Variants in CLYBL observed in about 807,000 individuals in gnomAD.
The protein encoded by CLYBL is citramalyl-CoA lyase, also known as citramalyl-CoA lyase, mitochondrial.
Under a neutral mutation model 38.9 loss-of-function variants are expected in CLYBL, and 31 were observed. The ratio of observed to expected loss-of-function variants is 0.80; its 90% CI spans 0.60 to 1.08. The LOEUF is 1.08. CLYBL is among the 50% of genes least tolerant of loss of function. The pLI, the probability that CLYBL is intolerant of heterozygous loss-of-function variation, is 0.00. For synonymous variants in CLYBL, 171 were observed against 158.6 expected (o/e 1.08, Z -0.59); for missense variants, 434 against 411.6 (o/e 1.05, Z -0.47).
intron 2 of CLYBL, among the ~76,000 whole-genome samples, chr13:99,827,225 A>G (rs973358847): frequency 3.9e-5 from 6 of 151,982 alleles, no homozygotes; most frequent in East Asian, 1.9e-4. Context: ...AGCCTTTTCA[A>G]TTGTCCGTGA....
At chr13:99,907,456 A>C (rs935499066) in intron 9 of CLYBL, among the ~76,000 whole-genome samples, 1 of 152,180 alleles carries the variant, frequency 6.6e-6, no homozygotes, top group African/African-American at 2.4e-5. Context: ...GAAAAAAAAA[A>C]CAATAAAATG....
At chr13:99,790,312 T>G (rs2049889403) in intron 2 of CLYBL, among the ~76,000 whole-genome samples, 3 of 152,218 alleles carry the variant, frequency 2.0e-5, no homozygotes, top group African/African-American at 7.2e-5. Context: ...TTACAATTTG[T>G]CATGTTTTTG....
At chr13:99,659,770 C>T (rs1255615214) in intron 1 of CLYBL, among the ~76,000 whole-genome samples, 1 of 152,044 alleles carries the variant, frequency 6.6e-6, no homozygotes, top group Non-Finnish European at 1.5e-5. Flanking sequence ...TAATAGTCAC[C>T]AGAAGCCAAT....
At chr13:99,757,649 G>C (rs1360164233) in intron 1 of CLYBL, among the ~76,000 whole-genome samples, 1 of 152,136 alleles carries the variant, frequency 6.6e-6, no homozygotes, top group Non-Finnish European at 1.5e-5. Context: ...AGTAGAGTCA[G>C]GGTTTCACCA....
rs578055809 is a variant in CLYBL, at chr13:99,671,183, A to G, written c.62+64426A>G. On this transcript the variant is annotated intron_variant, in intron 1 of 8. Coordinates refer to ENST00000339105, the MANE Select transcript of CLYBL (RefSeq NM_206808.5). The stretch of plus-strand genomic sequence containing the variant: ...TTGAGGCCCTAAAGCCTTCCCTACC[A>G]TCCTATTTTAGGACTCTTATCCTCA... Among the ~76,000 whole-genome samples the G allele has an allele frequency of 7.9e-5, 12 of 152,186 alleles. No individual in the cohort carries two copies. The South Asian group carries it at 2.5e-3, about 32-fold the overall frequency.
At chr13:99,628,875 G>A (rs577921384) in intron 1 of CLYBL, among the ~76,000 whole-genome samples, 2 of 152,226 alleles carry the variant, frequency 1.3e-5, no homozygotes, top group Admixed American at 6.5e-5. Flanking sequence ...TTGTGGATGG[G>A]AGTGGGGAGA....
At chr13:99,818,336 C>T (rs561730921) in intron 2 of CLYBL, among the ~76,000 whole-genome samples, 96 of 152,224 alleles carry the variant, frequency 6.3e-4, no homozygotes, top group Non-Finnish European at 1.2e-3. Flanking sequence ...TCTCTGTGTT[C>T]TTTCTCCGTC....
chr13:99,713,334 C>CTTTTT (rs759844768), intron 1 of CLYBL, among the ~76,000 whole-genome samples: 16 of 101,646 alleles, frequency 1.6e-4, no homozygotes, highest in African/African-American at 2.7e-4. Flanking sequence ...TTCTCTATTT[C>CTTTTT]TTTTTTTTTT....
intron 1 of CLYBL, among the ~76,000 whole-genome samples, chr13:99,669,489 A>G (rs2047533479): frequency 6.6e-6 from 1 of 152,182 alleles, no homozygotes; most frequent in Non-Finnish European, 1.5e-5. Flanking sequence ...AGGGTGTCAT[A>G]AGCCTTGAAA....
At chr13:99,713,391 G>A (rs2048264720) in intron 1 of CLYBL, among the ~76,000 whole-genome samples, 1 of 143,684 alleles carries the variant, frequency 7.0e-6, no homozygotes, top group Non-Finnish European at 1.5e-5. Flanking sequence ...CCAGGCTGGA[G>A]TGCAGTGGTG....
At chr13:99,701,556 C>G (rs190562292) in intron 1 of CLYBL, among the ~76,000 whole-genome samples, 1 of 152,302 alleles carries the variant, frequency 6.6e-6, no homozygotes, top group Admixed American at 6.5e-5. Flanking sequence ...CGTGATCTGC[C>G]TGCCTCGGCC....
intron 1 of CLYBL, among the ~76,000 whole-genome samples, chr13:99,693,665 C>T (rs80314700): frequency 0.025 from 3,770 of 152,030 alleles, 158 homozygotes; most frequent in African/African-American, 0.087. Flanking sequence ...TTTGGGGGCA[C>T]ACTCCCTGTT....
At chr13:99,774,678 T>G (rs1316405648) in intron 2 of CLYBL, among the ~76,000 whole-genome samples, 1 of 152,214 alleles carries the variant, frequency 6.6e-6, no homozygotes, top group Admixed American at 6.6e-5. Context: ...AAAATTTAAT[T>G]TCCAGTATCT....
intron 7 of CLYBL, among the ~76,000 whole-genome samples, chr13:99,887,645 TG>T (rs1426215918): frequency 6.6e-6 from 1 of 152,018 alleles, no homozygotes; most frequent in Non-Finnish European, 1.5e-5. Context: ...CCCAGCCACA[TG>T]GGAGGCTGAG....
chr13:99,679,827 C>G (rs1195108515), intron 1 of CLYBL, among the ~76,000 whole-genome samples: 2 of 152,080 alleles, frequency 1.3e-5, no homozygotes, highest in African/African-American at 4.8e-5. Flanking sequence ...CAGCTGCCCT[C>G]AGATTTCCAG....
intron 1 of CLYBL, among the ~76,000 whole-genome samples, chr13:99,723,197 C>A (rs2048419599): frequency 6.6e-6 from 1 of 152,156 alleles, no homozygotes; most frequent in East Asian, 1.9e-4. Context: ...TGGTGGACTT[C>A]CGGAGCAATA....
At chr13:99,861,662 G>A (rs188903917) in intron 3 of CLYBL, among the ~76,000 whole-genome samples, 1 of 152,206 alleles carries the variant, frequency 6.6e-6, no homozygotes, top group African/African-American at 2.4e-5. Context: ...GCCCTTTGAA[G>A]GGGGGGCAGT....
intron 1 of CLYBL, among the ~76,000 whole-genome samples, chr13:99,643,526 A>G (rs1355087500): frequency 6.6e-6 from 1 of 152,106 alleles, no homozygotes; most frequent in East Asian, 1.9e-4. Flanking sequence ...TCAATTTTAT[A>G]TTTCTGTTTA....
intron 1 of CLYBL, among the ~76,000 whole-genome samples, chr13:99,682,874 C>T (rs965966371): frequency 4.0e-5 from 6 of 150,852 alleles, no homozygotes; most frequent in African/African-American, 1.5e-4. Context: ...GTAGCTGGCA[C>T]TACAGGCACC....
Sources: allele counts gnomAD v4.1 joint callset (sites outside exome capture counted in the v4.1 genomes callset), GRCh38; gene constraint gnomAD v4.1.1; transcripts MANE v1.5; gene names NCBI Gene and HGNC (gene_info 2026-07-23, HGNC 2026-07-21).